The following LRP1B variants were observed in gnomAD, a reference collection of about 807,000 sequenced individuals.
The protein encoded by LRP1B is low-density lipoprotein receptor-related protein 1B.
In LRP1B, 217 loss-of-function variants were observed where a neutral mutation model predicts 556.6. The observed-to-expected ratio is 0.39, with a 90% CI of 0.35 to 0.44. The LOEUF (loss-of-function observed/expected upper bound fraction) is 0.44, where lower values mean the gene tolerates loss of function less well. Among genes scored for constraint, LRP1B ranks in the 20% least tolerant of loss-of-function variants. The pLI is 1.00. For synonymous variants in LRP1B, 2,047 were observed against 1,865.8 expected, an observed-to-expected ratio of 1.10 and a Z score of -2.50; for missense variants, 5,053 against 5,620.8, an observed-to-expected ratio of 0.90 and a Z score of 3.23.
intron 3 of LRP1B, among the ~76,000 whole-genome samples, chr2:141,442,107 A>G (rs1399182996): frequency 2.0e-5 from 3 of 152,174 alleles, no homozygotes; most frequent in Non-Finnish European, 4.4e-5. Context: ...ATTTCATGAA[A>G]AGACTGGAAA....
intron 1 of LRP1B, among the ~76,000 whole-genome samples, chr2:141,876,876 G>A (rs75444470): frequency 0.16 from 23,994 of 151,650 alleles, 1,980 homozygotes; most frequent in South Asian, 0.19. Flanking sequence ...TTAAAGTCTT[G>A]AGTACTTTAT....
At chr2:141,897,760 T>C (rs1019218994) in intron 1 of LRP1B, among the ~76,000 whole-genome samples, 1 of 152,158 alleles carries the variant, frequency 6.6e-6, no homozygotes, top group South Asian at 2.1e-4. Flanking sequence ...GCCAATATAA[T>C]TTAGCTCAGC....
intron 35 of LRP1B, among the ~76,000 whole-genome samples, chr2:140,753,197 C>A (rs2104899534): frequency 6.6e-6 from 1 of 152,192 alleles, no homozygotes; most frequent in Admixed American, 6.5e-5. Flanking sequence ...GAAATTTCAA[C>A]AGTGTAACAA....
intron 60 of LRP1B, among the ~76,000 whole-genome samples, chr2:140,474,222 A>G (rs1687878531): frequency 1.3e-5 from 2 of 151,854 alleles, no homozygotes; most frequent in Non-Finnish European, 2.9e-5. Context: ...GGTACCTTTT[A>G]CCTTTTTTCT....
At chr2:142,033,588 A>C (rs923517910) in intron 1 of LRP1B, among the ~76,000 whole-genome samples, 1 of 151,744 alleles carries the variant, frequency 6.6e-6, no homozygotes, top group African/African-American at 2.4e-5. Flanking sequence ...AGTGGACTTC[A>C]TTCCAACCTC....
At chr2:141,296,645 G>A (rs1279639522) in intron 3 of LRP1B, among the ~76,000 whole-genome samples, 1 of 152,164 alleles carries the variant, frequency 6.6e-6, no homozygotes, top group African/African-American at 2.4e-5. Context: ...GTTATTTATT[G>A]CACTGACATA....
chr2:142,065,996 G>T lies in LRP1B; in HGVS notation c.82+64652C>A, dbSNP rs533192860. On this transcript the variant is annotated intron_variant, in intron 1 of 90. Coordinates refer to ENST00000389484, the MANE Select transcript of LRP1B (RefSeq NM_018557.3). ...AATTTGCTCCCAAAGTATAATGGTG[G>T]TACAGACACAGGATAACAATTATAG... Among the ~76,000 whole-genome samples the T allele has an allele frequency of 4.6e-5, 7 of 151,382 alleles. No homozygotes were observed. The South Asian group carries it at 1.5e-3, about 31-fold the overall frequency.
intron 31 of LRP1B, among the ~76,000 whole-genome samples, chr2:140,834,398 C>A (rs1691826983): frequency 6.6e-6 from 1 of 152,230 alleles, no homozygotes. Context: ...TGCCATCATT[C>A]CCAGCTAATT....
rs1439699261 is a variant in LRP1B at position 142,088,988 on chromosome 2, AAAAAAAAAG to A, written c.82+41651_82+41659del. Among the ~76,000 whole-genome samples the A allele has an allele frequency of 1.2e-3, 47 of 37,704 alleles. 2 individuals carry two copies. The East Asian group carries it at 0.058, about 47-fold the overall frequency. The allele number at this position is 37,704 out of a possible 152,430, so 24.7% of individuals were successfully genotyped here. ...AGGCTCCGTCTCAAAAAAAAAAAAAAAAAAAAAAGAAAAAGAAAAAGTTACTGACTTATA... is the reference window on the plus strand; with the variant it reads ...AGGCTCCGTCTCAAAAAAAAAAAAAAAAAAAGAAAAAGTTACTGACTTATA... On this transcript the variant is annotated intron_variant, in intron 1 of 90. Transcript: ENST00000389484.
intron 20 of LRP1B, among the ~76,000 whole-genome samples, chr2:140,946,329 G>A (rs1227662571): frequency 6.6e-6 from 1 of 152,182 alleles, no homozygotes; most frequent in Admixed American, 6.6e-5. Context: ...TTCAGGGGCA[G>A]TGGCTCACAT....
At chr2:140,877,561 G>T (rs538583768) in intron 25 of LRP1B, among the ~76,000 whole-genome samples, 2 of 152,238 alleles carry the variant, frequency 1.3e-5, no homozygotes, top group Non-Finnish European at 1.5e-5. Context: ...TTCAAGCTGG[G>T]ACCTGCTTAG....
chr2:141,248,539 C>T (rs780855178), intron 4 of LRP1B, among the ~76,000 whole-genome samples: 4 of 151,956 alleles, frequency 2.6e-5, no homozygotes, highest in Admixed American at 6.6e-5. Flanking sequence ...AAATGGCATG[C>T]GAACGGTATT....
chr2:140,796,519 G>C (rs200091290), intron 32 of LRP1B, among the ~76,000 whole-genome samples: 185 of 152,126 alleles, frequency 1.2e-3, no homozygotes, highest in African/African-American at 4.3e-3. Flanking sequence ...ATGGTGGTTT[G>C]AGTACTTAGA....
intron 21 of LRP1B, among the ~76,000 whole-genome samples, chr2:140,916,265 A>C (rs1290780104): frequency 6.6e-6 from 1 of 152,196 alleles, no homozygotes; most frequent in Non-Finnish European, 1.5e-5. Flanking sequence ...TTCTAACAAA[A>C]TCACTGTACC....
intron 2 of LRP1B, among the ~76,000 whole-genome samples, chr2:141,652,920 A>G (rs1689854317): frequency 6.6e-6 from 1 of 152,130 alleles, no homozygotes; most frequent in South Asian, 2.1e-4. Flanking sequence ...TATGCTAAGG[A>G]CCACTGCACC....
At chr2:141,065,812 GT>G (rs1387074283) in intron 7 of LRP1B, among the ~76,000 whole-genome samples, 1 of 151,608 alleles carries the variant, frequency 6.6e-6, no homozygotes, top group Non-Finnish European at 1.5e-5. Context: ...AACTTCCAGG[GT>G]CCTAGTCTCT....
chr2:140,740,738 T>C (rs1282680411), intron 35 of LRP1B, among the ~76,000 whole-genome samples: 1 of 152,156 alleles, frequency 6.6e-6, no homozygotes, highest in African/African-American at 2.4e-5. Flanking sequence ...TAGCCAACAT[T>C]CTGAGGCCTC....
intron 14 of LRP1B, among the ~76,000 whole-genome samples, chr2:141,006,348 T>A (rs964615290): frequency 1.3e-5 from 2 of 151,988 alleles, no homozygotes; most frequent in Non-Finnish European, 2.9e-5. Flanking sequence ...ACTATAATCA[T>A]CCCACAGTGG....
At chr2:141,575,780 A>G (rs559808860) in intron 2 of LRP1B, among the ~76,000 whole-genome samples, 9 of 152,106 alleles carry the variant, frequency 5.9e-5, no homozygotes, top group Non-Finnish European at 1.0e-4. Flanking sequence ...TCCGTCAAAA[A>G]GTGGCCAAAG....
Sources: allele counts gnomAD v4.1 joint callset (sites outside exome capture counted in the v4.1 genomes callset), GRCh38; gene constraint gnomAD v4.1.1; transcripts MANE v1.5; gene names NCBI Gene and HGNC (gene_info 2026-07-23, HGNC 2026-07-21).